IGF2R: variants seen among roughly 807,000 people sequenced by gnomAD.
IGF2R encodes cation-independent mannose-6-phosphate receptor.
In IGF2R, 91 loss-of-function variants were observed where a neutral mutation model predicts 270.6. That is an observed-to-expected ratio of 0.34 (90% CI 0.28 to 0.40). IGF2R has a LOEUF of 0.40. Among genes scored for constraint, IGF2R ranks in the 10% least tolerant of loss-of-function variants. IGF2R has a pLI of 1.00. For synonymous variants in IGF2R, 1,316 were observed against 1,258.9 expected, an observed-to-expected ratio of 1.05 and a Z score of -0.96; for missense variants, 2,805 against 3,188.3, an observed-to-expected ratio of 0.88 and a Z score of 2.90.
At position 159,990,438 on chromosome 6, in the gene IGF2R, A is replaced by G. The variant is rs191199811; in HGVS notation, c.150-746A>G. Reference sequence around the variant, plus strand: ...GCTCCGCACTTCTCCTTGCTGAAAAAGAATGTGTTTGCTTCCCCTTCTGTC... The same window carrying G: ...GCTCCGCACTTCTCCTTGCTGAAAAGGAATGTGTTTGCTTCCCCTTCTGTC... On this transcript the variant is annotated intron_variant, in intron 1 of 47. Transcript: ENST00000356956. 4.4e-3 allele frequency among the ~76,000 whole-genome samples: 667 copies of G among 152,266 alleles called. 4 individuals carry two copies. Among genetic ancestry groups the G allele is most frequent in the African/African-American group, 0.015 (622 of 41,538 alleles).
chr6:160,032,894 C>T, intron 8 of IGF2R, 48 bp from the exon 9 acceptor site: 3 of 1,466,664 alleles, frequency 2.0e-6, no homozygotes, highest in Non-Finnish European at 2.8e-6. Flanking sequence ...TCTTCTAATA[C>T]CTATTCATAT....
At position 160,050,550 on chromosome 6, in the gene IGF2R, C is replaced by T. The variant is rs1233280929; in HGVS notation, c.2592C>T (p.Ser864=). ...GCCCGGTGGTTGAGGACAGCGGCAG[C>T]CTCCTTCTGGAATACGTGAATGGGT... ...KTGPVVEDSG[S]LLLEYVNGSA... The change falls in exon 19 of 48, where the codon AGC becomes AGT. Residue 864 remains serine, a synonymous_variant. Transcript: ENST00000356956. This position sits in a 1 kb window ranked among gnomAD's most constrained non-coding sequence, Gnocchi z 4.0. The T allele has an allele frequency of 6.2e-7, 1 of 1,614,094 alleles. No homozygotes were observed. Among genetic ancestry groups the T allele is most frequent in the Non-Finnish European group, 8.5e-7 (1 of 1,179,982 alleles).
intron 39 of IGF2R, among the ~76,000 whole-genome samples, chr6:160,080,663 T>C (rs1778959946): frequency 6.6e-6 from 1 of 152,088 alleles, no homozygotes; most frequent in African/African-American, 2.4e-5. Flanking sequence ...GGCGACTCAT[T>C]TATTGACTTT....
At chr6:160,022,119 C>A (rs1286253013) in intron 4 of IGF2R, among the ~76,000 whole-genome samples, 1 of 151,998 alleles carries the variant, frequency 6.6e-6, no homozygotes, top group Non-Finnish European at 1.5e-5. Flanking sequence ...GAACTTGAGG[C>A]CATTATCTTG....
chr6:160,052,066 G>C (rs576013574), intron 19 of IGF2R, among the ~76,000 whole-genome samples: 1 of 152,102 alleles, frequency 6.6e-6, no homozygotes, highest in Non-Finnish European at 1.5e-5. Context: ...GCCAAGTGTG[G>C]TGATGTGCAC....
rs1331680482 is a variant in IGF2R, at chr6:160,078,304, C to T, written c.5420C>T (p.Thr1807Ile). The T allele has an allele frequency of 4.3e-6, 7 of 1,614,102 alleles. No individual in the cohort carries two copies. In the African/African-American group the frequency reaches 6.7e-5, roughly 15 times the overall value. The change falls in exon 37 of 48, where the codon ACA becomes ATA. Residue 1807 changes from threonine to isoleucine, a missense_variant. Physicochemically the swap from Thr to Ile is moderately conservative, Grantham distance 89. Coordinates refer to ENST00000356956, the MANE Select transcript of IGF2R (RefSeq NM_000876.4). ...DEVRMDGCTL[T>I]DEQLLYSFNL... ...GTGAGGATGGATGGCTGTACCCTGA[C>T]AGATGAGCAGCTCCTCTACAGCTTC...
intron 1 of IGF2R, among the ~76,000 whole-genome samples, chr6:159,982,796 GT>G (rs1783826061): frequency 6.6e-6 from 1 of 152,216 alleles, no homozygotes; most frequent in Non-Finnish European, 1.5e-5. Flanking sequence ...TCATGGAGAT[GT>G]TTTGTGTTGA....
Position 159,991,224 on chromosome 6 carries a change from TA to T in IGF2R, c.191del (p.Tyr64LeufsTer25). On this transcript the variant is annotated frameshift_variant, in exon 2 of 48. Transcript: ENST00000356956. LOFTEE classifies it high-confidence loss of function. ...TGTTGATACCAAAAATAATGTACTT[TA>T]TAAAATCAACATCTGTGGAAGTGTG... ...EAVDTKNNVL[Y>X]KINICGSVDI... 6.2e-7 allele frequency: 1 copy of T among 1,613,482 alleles called. No homozygotes were observed. Among genetic ancestry groups the T allele is most frequent in the African/African-American group, 1.3e-5 (1 of 75,050 alleles).
chr6:160,043,641 G>A (rs966895614), intron 12 of IGF2R, among the ~76,000 whole-genome samples: 14 of 152,340 alleles, frequency 9.2e-5, no homozygotes, highest in African/African-American at 2.4e-4. Context: ...GCCTAGAATC[G>A]TTCAAAAGTT....
intron 2 of IGF2R, among the ~76,000 whole-genome samples, chr6:159,991,857 C>T (rs8191709): frequency 3.4e-4 from 52 of 152,302 alleles, no homozygotes; most frequent in Middle Eastern, 6.8e-3. Context: ...TCCTAGGGTT[C>T]GTTTCATTCC....
intron 41 of IGF2R, 99 bp from the exon 42 acceptor site, chr6:160,087,934 C>A: frequency 1.4e-6 from 1 of 738,528 alleles, no homozygotes. Flanking sequence ...CTTTGGTTTC[C>A]CAAAGTGTTG....
chr6:159,986,488 G>A (rs993486458), intron 1 of IGF2R, among the ~76,000 whole-genome samples: 2 of 148,606 alleles, frequency 1.3e-5, no homozygotes, highest in South Asian at 2.1e-4. Flanking sequence ...GGCTGGTCTC[G>A]AACTCCTGAC....
intron 41 of IGF2R, among the ~76,000 whole-genome samples, chr6:160,087,273 T>C (rs1779114959): frequency 6.6e-6 from 1 of 152,302 alleles, no homozygotes; most frequent in Non-Finnish European, 1.5e-5. Flanking sequence ...CACATGAGGG[T>C]ACCTGTCAGG....
intron 3 of IGF2R, 148 bp from the exon 4 acceptor site, chr6:160,010,539 G>A: frequency 1.8e-6 from 1 of 553,322 alleles, no homozygotes; most frequent in Non-Finnish European, 3.3e-6. Flanking sequence ...ACCTCTTGAT[G>A]ACCCCGTTTA....
intron 10 of IGF2R, among the ~76,000 whole-genome samples, chr6:160,037,235 G>T (rs1436816173): frequency 2.0e-5 from 3 of 152,194 alleles, no homozygotes; most frequent in Non-Finnish European, 4.4e-5. Context: ...GTAACAAGGA[G>T]CCTGGACAGA....
At chr6:160,051,489 C>T (rs1451954993) in intron 19 of IGF2R, among the ~76,000 whole-genome samples, 1 of 152,122 alleles carries the variant, frequency 6.6e-6, no homozygotes, top group Non-Finnish European at 1.5e-5. Context: ...AAAGGATGAC[C>T]TTGATTCTCA....
chr6:160,074,625 T>C (rs949537053), intron 35 of IGF2R, among the ~76,000 whole-genome samples: 2 of 152,226 alleles, frequency 1.3e-5, no homozygotes, highest in African/African-American at 4.8e-5. Context: ...TCTCCATGAG[T>C]TATATTCATA....
rs575900270 is a variant in IGF2R at position 160,062,070 on chromosome 6, T to G, written c.3582+142T>G. ...AGCCATTGCTAGGGTTTGACGAGAA[T>G]GCACTCATTTCTTCAGGTCTTAAAT... On this transcript the variant is annotated intron_variant, in intron 25 of 47. Coordinates refer to ENST00000356956, the MANE Select transcript of IGF2R (RefSeq NM_000876.4). The G allele has an allele frequency of 8.2e-6, 6 of 728,116 alleles. No individual in the cohort carries two copies. The South Asian group carries it at 1.1e-4, about 14-fold the overall frequency. 45.1% of individuals were successfully genotyped at this position (728,116 alleles called of 1,614,324 possible).
intron 39 of IGF2R, among the ~76,000 whole-genome samples, chr6:160,080,889 G>A (rs1026160631): frequency 5.9e-5 from 9 of 151,768 alleles, no homozygotes; most frequent in African/African-American, 1.7e-4. Flanking sequence ...AGGCTGAGGC[G>A]GGTGGATCAC....
Sources: allele counts gnomAD v4.1 joint callset (sites outside exome capture counted in the v4.1 genomes callset), GRCh38; gene constraint gnomAD v4.1.1; non-coding constraint Gnocchi (gnomAD v3.1); transcripts MANE v1.5; gene names NCBI Gene and HGNC (gene_info 2026-07-23, HGNC 2026-07-21).